Variants in TCTN2 observed in about 807,000 individuals in gnomAD.
TCTN2 encodes the protein tectonic-2.
Under a neutral mutation model 83.4 loss-of-function variants are expected in TCTN2, and 66 were observed. That is an observed-to-expected ratio of 0.79 (90% CI 0.65 to 0.97). TCTN2 has a LOEUF of 0.97. Ranked by LOEUF, TCTN2 falls within the 50% of genes least tolerant of loss-of-function variation. The pLI, the probability that TCTN2 is intolerant of heterozygous loss-of-function variation, is 0.00. For missense variants in TCTN2, 794 were observed against 858.1 expected, an observed-to-expected ratio of 0.93 and a Z score of 0.93; for synonymous variants, 301 against 326.7, an observed-to-expected ratio of 0.92 and a Z score of 0.85.
chr12:123,690,125 T>TA (rs1956024159), intron 7 of TCTN2, among the ~76,000 whole-genome samples: 1 of 152,116 alleles, frequency 6.6e-6, no homozygotes, highest in African/African-American at 2.4e-5. Context: ...AGTTCAACAT[T>TA]ATGAGGAGTG....
intron 7 of TCTN2, 140 bp from the exon 8 acceptor site, chr12:123,690,393 T>G: frequency 8.7e-7 from 1 of 1,147,716 alleles, no homozygotes; most frequent in Non-Finnish European, 1.3e-6. Flanking sequence ...GCGGGTCAAC[T>G]AGTCGGTGAA....
intron 14 of TCTN2, among the ~76,000 whole-genome samples, chr12:123,702,583 C>A (rs1469350503): frequency 6.6e-6 from 1 of 152,202 alleles, no homozygotes; most frequent in Non-Finnish European, 1.5e-5. Context: ...CTAGCTGGTG[C>A]TCAAGGCACT....
At position 123,679,297 on chromosome 12, in the gene TCTN2, CT is replaced by C. The variant is rs767884874; in HGVS notation, c.564+11del. On this transcript the variant is annotated intron_variant, in intron 5 of 17. Coordinates refer to ENST00000303372, the MANE Select transcript of TCTN2 (RefSeq NM_024809.5). The stretch of plus-strand genomic sequence containing the variant: ...CGCTGCTGCTGTGACCAGGTATGTT[CT>C]TTGGTTATTGGGCACAAAAGTTATG... 2.1e-5 allele frequency: 34 copies of C among 1,612,982 alleles called. No individual in the cohort carries two copies. Among genetic ancestry groups the C allele is most frequent in the Non-Finnish European group, 2.8e-5 (33 of 1,179,194 alleles).
intron 4 of TCTN2, among the ~76,000 whole-genome samples, chr12:123,674,395 C>A (rs538709058): frequency 1.1e-4 from 16 of 152,112 alleles, no homozygotes; most frequent in African/African-American, 3.9e-4. Context: ...CTCAGCCTCC[C>A]GAGTAGCTGG....
In TCTN2 at chr12:123,671,145, C is replaced by A. The variant is rs1307710242; in HGVS notation, c.-96C>A. ...CGGGCGTTCGCTTGCAAGATGGCGG[C>A]GGCGGGGCAGTGGCTGCTGCGTTTT... is the stretch of plus-strand genomic sequence containing the variant. On this transcript the variant is annotated 5_prime_UTR_variant, in exon 1 of 18. Coordinates refer to ENST00000303372, the MANE Select transcript of TCTN2 (RefSeq NM_024809.5). 3 of 1,215,320 alleles carry A rather than the reference C, an allele frequency of 2.5e-6. No individual in the cohort carries two copies. Among genetic ancestry groups the A allele is most frequent in the Admixed American group, 4.0e-5 (2 of 50,576 alleles). 75.3% of individuals were successfully genotyped at this position (1,215,320 alleles called of 1,614,324 possible). A position where few individuals can be genotyped will look rare whatever the true frequency, so the allele number is the denominator to read the frequency against.
chr12:123,696,687 C>G (rs996589405), intron 12 of TCTN2, 192 bp downstream of exon 12: 9 of 633,620 alleles, frequency 1.4e-5, no homozygotes, highest in Non-Finnish European at 2.3e-5. Context: ...GGAATGCTAA[C>G]ATTGTTTGCA....
In TCTN2 at chr12:123,694,832, G is replaced by A. The variant is rs794727008; in HGVS notation, c.1100-10G>A. ...GTCTTTAATTTATGAACATATTCTT[G>A]TATTTGCAGAAACTCCTTTAAATAA... On this transcript the variant is annotated splice_polypyrimidine_tract_variant and intron_variant, in intron 9 of 17. Transcript: ENST00000303372. The A allele has an allele frequency of 6.2e-7, 1 of 1,610,310 alleles. No homozygotes were observed. The highest frequency in any genetic ancestry group is 8.5e-7 in the Non-Finnish European group (1 of 1,177,236).
intron 9 of TCTN2, among the ~76,000 whole-genome samples, 160 bp downstream of exon 9, chr12:123,692,883 G>A (rs1349611360): frequency 6.6e-6 from 1 of 152,078 alleles, no homozygotes; most frequent in Non-Finnish European, 1.5e-5. Context: ...TCCTCGTTCT[G>A]TCCTGCTGGG....
intron 6 of TCTN2, among the ~76,000 whole-genome samples, chr12:123,687,588 C>T (rs545559680): frequency 3.3e-5 from 5 of 152,036 alleles, no homozygotes; most frequent in South Asian, 4.1e-4. Flanking sequence ...ACCCGGGCGG[C>T]GGAGCTTGAG....
chr12:123,703,009 A>G (rs1171118604), intron 14 of TCTN2, among the ~76,000 whole-genome samples: 2 of 152,100 alleles, frequency 1.3e-5, no homozygotes, highest in African/African-American at 2.4e-5. Context: ...ACTTCCTCCA[A>G]TTGACCTTGC....
intron 15 of TCTN2, among the ~76,000 whole-genome samples, chr12:123,705,190 G>A (rs1956215495): frequency 7.4e-6 from 1 of 135,042 alleles, no homozygotes; most frequent in Non-Finnish European, 1.5e-5. Flanking sequence ...TTGAGACAGA[G>A]TCTTGCTCCG....
Position 123,686,914 on chromosome 12 carries a change from T to G in TCTN2, c.643T>G (p.Phe215Val). The G allele has an allele frequency of 6.2e-7, 1 of 1,614,248 alleles. No homozygotes were observed. Among genetic ancestry groups the G allele is most frequent in the South Asian group, 1.1e-5 (1 of 91,088 alleles). ...GVFGGDVNPP[F>V]DQLCSAGTTT... ...GTTTGGAGGAGACGTCAATCCTCCT[T>G]TTGATCAGCTCTGCTCTGCTGGGAC... The change falls in exon 6 of 18, where the codon TTT (phenylalanine) becomes GTT (valine). Residue 215 changes from phenylalanine to valine, a missense_variant. By Grantham distance (50) the Phe-to-Val change is conservative (BLOSUM62 -1). Coordinates refer to ENST00000303372, the MANE Select transcript of TCTN2 (RefSeq NM_024809.5).
In TCTN2 at chr12:123,695,252, T is replaced by G. The variant is rs1956093773; in HGVS notation, c.1267T>G (p.Leu423Val). ...IMTQRFVVKF[L>V]SYNSGNEEEL... Reference sequence around the variant, plus strand: ...GACACAGAGATTTGTAGTAAAATTTTTAAGCTATAATAGTGGTAATGAAGA... The same window carrying G: ...GACACAGAGATTTGTAGTAAAATTTGTAAGCTATAATAGTGGTAATGAAGA... The change falls in exon 11 of 18, where the codon TTA becomes GTA. Residue 423 changes from leucine (L) to valine (V), a missense_variant. Physicochemically the swap from Leu to Val is conservative, Grantham distance 32. Coordinates refer to ENST00000303372, the MANE Select transcript of TCTN2 (RefSeq NM_024809.5). 3 of 1,584,670 alleles carry G rather than the reference T, an allele frequency of 1.9e-6. No homozygotes were observed. Among genetic ancestry groups the G allele is most frequent in the Non-Finnish European group, 2.6e-6 (3 of 1,153,500 alleles).
Position 123,686,833 on chromosome 12 carries a change from C to T in TCTN2, c.565-3C>T. 6.2e-7 allele frequency: 1 copy of T among 1,614,160 alleles called. No individual in the cohort carries two copies. The highest frequency in any genetic ancestry group is 8.5e-7 in the Non-Finnish European group (1 of 1,180,010). On this transcript the variant is annotated splice_polypyrimidine_tract_variant and splice_region_variant and intron_variant, in intron 5 of 17. Coordinates refer to ENST00000303372, the MANE Select transcript of TCTN2 (RefSeq NM_024809.5). ...AGCTCCTGCCTTTATGTTTGTCTTC[C>T]AGGAATGCTCATCAAATTTAACAAC...
At chr12:123,700,015 T>G (rs1956153908) in intron 14 of TCTN2, 3 of 627,590 alleles carry the variant, frequency 4.8e-6, no homozygotes, top group Non-Finnish European at 8.5e-6. Flanking sequence ...TTTGATTTTC[T>G]GTTTTTGTTT....
intron 5 of TCTN2, among the ~76,000 whole-genome samples, chr12:123,683,415 G>A (rs1250098681): frequency 1.3e-5 from 2 of 151,282 alleles, no homozygotes; most frequent in Non-Finnish European, 2.9e-5. Flanking sequence ...AAAGCGATGG[G>A]ATTACAGGAG....
At position 123,678,884 on chromosome 12, in the gene TCTN2, G is replaced by A. The variant is rs910880300; in HGVS notation, c.464-305G>A. On this transcript the variant is annotated intron_variant, in intron 4 of 17. Transcript: ENST00000303372. ...ACGATCTCGGCTCACTGCAAGCTCC[G>A]CCTCCCGGGTTCACACCATTCTCCT... Among the ~76,000 whole-genome samples, 6 of 151,216 alleles carry A rather than the reference G, an allele frequency of 4.0e-5. No homozygotes were observed. The South Asian group carries it at 6.3e-4, about 16-fold the overall frequency.
chr12:123,707,706 A>G lies in TCTN2; in HGVS notation c.2087A>G (p.Tyr696Cys), dbSNP rs188690113. Residue 696 changes from tyrosine (Y) to cysteine (C), a missense_variant, in exon 18 of 18, where the codon TAT (tyrosine) becomes TGT (cysteine). Coordinates refer to ENST00000303372, the MANE Select transcript of TCTN2 (RefSeq NM_024809.5). ...SNPWTRICKA[Y>C]S ...CCCTGGACCAGAATATGCAAAGCCT[A>G]TAGTTAGACAACCACCTGGCTTTTA... 2.5e-6 allele frequency: 4 copies of G among 1,613,474 alleles called. No homozygotes were observed. The highest frequency in any genetic ancestry group is 2.2e-5 in the South Asian group (2 of 91,064).
intron 5 of TCTN2, among the ~76,000 whole-genome samples, chr12:123,680,775 C>G (rs1955890514): frequency 1.3e-5 from 2 of 151,758 alleles, no homozygotes; most frequent in South Asian, 4.2e-4. Flanking sequence ...CCTCGGCCTC[C>G]CAAAGTGCTG....
Sources: allele counts gnomAD v4.1 joint callset (sites outside exome capture counted in the v4.1 genomes callset), GRCh38; gene constraint gnomAD v4.1.1; transcripts MANE v1.5; gene names NCBI Gene and HGNC (gene_info 2026-07-23, HGNC 2026-07-21).